SLC2A13: variants seen among roughly 807,000 people sequenced by gnomAD.
SLC2A13 encodes the protein proton myo-inositol cotransporter.
Under a neutral mutation model 64.4 loss-of-function variants are expected in SLC2A13, and 32 were observed. The ratio of observed to expected loss-of-function variants is 0.50; its 90% confidence interval spans 0.37 to 0.67. The LOEUF (loss-of-function observed/expected upper bound fraction) is 0.67. Ranked by LOEUF, SLC2A13 falls within the 30% of genes least tolerant of loss-of-function variation. The pLI, the probability that SLC2A13 is intolerant of heterozygous loss-of-function variation, is 0.00. For missense variants in SLC2A13, 743 were observed against 829.2 expected (o/e 0.90, Z 1.28); for synonymous variants, 338 against 327.1 (o/e 1.03, Z -0.36).
chr12:39,778,696 C>A (rs1233589510), intron 7 of SLC2A13, among the ~76,000 whole-genome samples: 1 of 152,142 alleles, frequency 6.6e-6, no homozygotes, highest in Non-Finnish European at 1.5e-5. Context: ...TCATTCATTT[C>A]TTCACTCATT....
At chr12:40,064,551 T>C (rs1270735050) in intron 1 of SLC2A13, among the ~76,000 whole-genome samples, 1 of 152,146 alleles carries the variant, frequency 6.6e-6, no homozygotes, top group Admixed American at 6.6e-5. Flanking sequence ...TCAAGGGAAC[T>C]TCATTCCAAG....
At chr12:39,850,528 C>G (rs1943438204) in intron 6 of SLC2A13, among the ~76,000 whole-genome samples, 1 of 151,940 alleles carries the variant, frequency 6.6e-6, no homozygotes, top group Non-Finnish European at 1.5e-5. Context: ...TATAGCAAGC[C>G]AAAACATACA....
At chr12:40,069,019 G>A (rs975497258) in intron 1 of SLC2A13, among the ~76,000 whole-genome samples, 2 of 152,144 alleles carry the variant, frequency 1.3e-5, no homozygotes, top group African/African-American at 4.8e-5. Flanking sequence ...ATGGGCAGAG[G>A]AAGACAGTCT....
intron 3 of SLC2A13, among the ~76,000 whole-genome samples, chr12:39,969,526 T>G (rs1591962093): frequency 6.6e-6 from 1 of 152,260 alleles, no homozygotes; most frequent in Non-Finnish European, 1.5e-5. Flanking sequence ...ACTGTGGTTT[T>G]GATTTGCATT....
intron 4 of SLC2A13, among the ~76,000 whole-genome samples, chr12:39,906,260 C>T (rs1168384008): frequency 6.6e-6 from 1 of 152,090 alleles, no homozygotes; most frequent in Non-Finnish European, 1.5e-5. Context: ...AGGCTATGGG[C>T]AAATTACTAC....
intron 6 of SLC2A13, among the ~76,000 whole-genome samples, chr12:39,856,775 T>C (rs1943620514): frequency 6.6e-6 from 1 of 152,234 alleles, no homozygotes; most frequent in East Asian, 1.9e-4. Context: ...TTTTACAACA[T>C]GATGGGAAAT....
chr12:39,971,555 A>G (rs1353406203), intron 3 of SLC2A13, among the ~76,000 whole-genome samples: 1 of 152,174 alleles, frequency 6.6e-6, no homozygotes, highest in Non-Finnish European at 1.5e-5. Context: ...TCTATAATAT[A>G]ATTTCTTTAT....
At chr12:40,062,807 G>A (rs757203797) in intron 1 of SLC2A13, among the ~76,000 whole-genome samples, 3 of 152,098 alleles carry the variant, frequency 2.0e-5, no homozygotes, top group Admixed American at 6.6e-5. Flanking sequence ...AGAGGAAAGT[G>A]TTCCTTTTGA....
chr12:39,766,462 G>A (rs1940354149), intron 7 of SLC2A13, among the ~76,000 whole-genome samples: 1 of 152,092 alleles, frequency 6.6e-6, no homozygotes, highest in Non-Finnish European at 1.5e-5. Context: ...TCTTTTTGGT[G>A]GAGGGTCTTG....
chr12:39,962,714 A>C (rs1046065098), intron 3 of SLC2A13, among the ~76,000 whole-genome samples: 8 of 152,186 alleles, frequency 5.3e-5, no homozygotes, highest in Admixed American at 2.6e-4. Context: ...GGAAAAAAAG[A>C]ATATATATGA....
intron 3 of SLC2A13, among the ~76,000 whole-genome samples, chr12:40,001,034 G>A (rs569685606): frequency 7.9e-5 from 12 of 152,324 alleles, no homozygotes; most frequent in Admixed American, 6.5e-4. Flanking sequence ...AGAGGGCATG[G>A]ACACTCAGGA....
At position 40,105,133 on chromosome 12, in the gene SLC2A13, G is replaced by C. The variant is rs1285914445; in HGVS notation, c.556+120C>G. Reference sequence around the variant, plus strand: ...ATGGGCTCTGGAGGCCAGAGAAGTGGAGGATTCTCTGACCCTGGGAGACCA... The same window carrying C: ...ATGGGCTCTGGAGGCCAGAGAAGTGCAGGATTCTCTGACCCTGGGAGACCA... On this transcript the variant is annotated intron_variant, in intron 1 of 9. Coordinates refer to ENST00000280871, the MANE Select transcript of SLC2A13 (RefSeq NM_052885.4). This position sits in a 1 kb window ranked among gnomAD's most constrained non-coding sequence, Gnocchi z 4.2. 1 of 1,406,760 alleles carries C rather than the reference G, an allele frequency of 7.1e-7. No individual in the cohort carries two copies. The highest frequency in any genetic ancestry group is 2.8e-5 in the East Asian group (1 of 35,438). 87.1% of individuals were successfully genotyped at this position (1,406,760 alleles called of 1,614,324 possible).
chr12:39,837,219 G>A (rs1943034299), intron 6 of SLC2A13, among the ~76,000 whole-genome samples: 1 of 150,874 alleles, frequency 6.6e-6, no homozygotes, highest in South Asian at 2.1e-4. Context: ...TGAGAAAGCT[G>A]AGAAAAACAA....
Position 39,951,248 on chromosome 12 carries a change from A to C in SLC2A13, c.1034+9T>G, listed in dbSNP as rs1421245547. 3.1e-6 allele frequency: 5 copies of C among 1,608,844 alleles called. No individual in the cohort carries two copies. In the African/African-American group the frequency reaches 6.7e-5, roughly 22 times the overall value. On this transcript the variant is annotated intron_variant, in intron 4 of 9. Coordinates refer to ENST00000280871, the MANE Select transcript of SLC2A13 (RefSeq NM_052885.4). Reference sequence around the variant, plus strand: ...TCTTTTCAGTAAAAAGCCAGAAAGAAATACATACATGATGGTGTTAATGCC... The same window carrying C: ...TCTTTTCAGTAAAAAGCCAGAAAGACATACATACATGATGGTGTTAATGCC...
At chr12:39,917,388 T>C (rs1945539030) in intron 4 of SLC2A13, among the ~76,000 whole-genome samples, 1 of 152,042 alleles carries the variant, frequency 6.6e-6, no homozygotes, top group Non-Finnish European at 1.5e-5. Flanking sequence ...GGAGTCTCTG[T>C]AGGTAGTTCA....
At chr12:39,874,135 A>C (rs894749098) in intron 4 of SLC2A13, among the ~76,000 whole-genome samples, 1 of 152,178 alleles carries the variant, frequency 6.6e-6, no homozygotes, top group Non-Finnish European at 1.5e-5. Context: ...TTGCTGTAGA[A>C]TATTTCTTGA....
intron 2 of SLC2A13, among the ~76,000 whole-genome samples, chr12:40,045,999 A>G (rs1948166187): frequency 6.6e-6 from 1 of 152,212 alleles, no homozygotes; most frequent in Non-Finnish European, 1.5e-5. Flanking sequence ...CTCTTACAAC[A>G]TCGATAGTAG....
chr12:39,901,892 C>T (rs1338652942), intron 4 of SLC2A13, among the ~76,000 whole-genome samples: 5 of 151,328 alleles, frequency 3.3e-5, no homozygotes, highest in Non-Finnish European at 7.4e-5. Context: ...CACATGCACA[C>T]GTATGTTTAT....
chr12:40,012,237 A>T (rs1020034594), intron 3 of SLC2A13, among the ~76,000 whole-genome samples: 2 of 152,254 alleles, frequency 1.3e-5, no homozygotes, highest in African/African-American at 4.8e-5. Flanking sequence ...TTATAGAACT[A>T]CAAAATCATT....
Sources: allele counts gnomAD v4.1 joint callset (sites outside exome capture counted in the v4.1 genomes callset), GRCh38; gene constraint gnomAD v4.1.1; non-coding constraint Gnocchi (gnomAD v3.1); transcripts MANE v1.5; gene names NCBI Gene and HGNC (gene_info 2026-07-23, HGNC 2026-07-21).